BOP1: variants seen among roughly 807,000 people sequenced by gnomAD.
BOP1 encodes ribosome biogenesis protein BOP1.
BOP1 carries 54 observed loss-of-function variants against 82.9 expected under a neutral mutation model. The observed-to-expected ratio is 0.65, with a 90% CI of 0.52 to 0.82. The LOEUF (loss-of-function observed/expected upper bound fraction) is 0.82, where lower values mean the gene tolerates loss of function less well. BOP1 is among the 40% of genes least tolerant of loss of function. BOP1 has a pLI of 0.00. For synonymous variants in BOP1, 566 were observed against 451.1 expected (o/e 1.25, Z -3.23); for missense variants, 1,170 against 1,072.0 (o/e 1.09, Z -1.28).
At chr8:144,266,601 C>T in intron 3 of BOP1, 1 of 1,119,684 alleles carries the variant, frequency 8.9e-7, no homozygotes, top group Non-Finnish European at 1.1e-6. Flanking sequence ...GACGCCGCGC[C>T]CCCGCCGGCC....
chr8:144,273,506 TGCTAC>T (rs1845525700), intron 3 of BOP1, among the ~76,000 whole-genome samples: 1 of 152,220 alleles, frequency 6.6e-6, no homozygotes, highest in Admixed American at 6.5e-5. Flanking sequence ...TCCCTCAGCC[TGCTAC>T]GCTTTCCTGA....
intron 3 of BOP1, chr8:144,266,925 C>T (rs1443818145): frequency 1.2e-5 from 19 of 1,555,714 alleles, no homozygotes; most frequent in Non-Finnish European, 1.5e-5. Context: ...TGATCCCCAC[C>T]GAGCCCGCCG....
chr8:144,265,263 C>A, intron 3 of BOP1, 192 bp from the exon 4 acceptor site: 2 of 659,834 alleles, frequency 3.0e-6, no homozygotes, highest in South Asian at 3.9e-5. Flanking sequence ...CCACGCTGCC[C>A]CCACCCCCGC....
chr8:144,273,962 AAGTC>A (rs755867450), intron 3 of BOP1, among the ~76,000 whole-genome samples: 68 of 152,086 alleles, frequency 4.5e-4, no homozygotes, highest in Non-Finnish European at 9.0e-4. Context: ...AGGTCTTCAA[AAGTC>A]AGCGTCCAGC....
intron 3 of BOP1, among the ~76,000 whole-genome samples, chr8:144,275,558 G>A (rs1471918718): frequency 3.3e-5 from 5 of 152,010 alleles, no homozygotes; most frequent in Non-Finnish European, 5.9e-5. Flanking sequence ...CAGCCCAGCA[G>A]CACGCATCCC....
Position 144,263,720 on chromosome 8 carries a change from G to C in BOP1, c.1263C>G (p.Val421=). The C allele has an allele frequency of 1.9e-6, 3 of 1,575,024 alleles. No individual in the cohort carries two copies. The highest frequency in any genetic ancestry group is 2.6e-6 in the Non-Finnish European group (3 of 1,161,584). Residue 421 remains valine (V), a synonymous_variant, in exon 10 of 16, where the codon GTC becomes GTG. Transcript: ENST00000569669. ...AAACCAGCCACTGGCCCCCAGGAGA[G>C]ACACTGAGGCACCGGACAAGGTCAC... ...GHSDLVRCLS[V]SPGGQWLVSG...
chr8:144,264,341 C>T lies in BOP1; in HGVS notation c.862G>A (p.Asp288Asn). 3 of 1,608,178 alleles carry T rather than the reference C, an allele frequency of 1.9e-6. No individual in the cohort carries two copies. The highest frequency in any genetic ancestry group is 2.5e-6 in the Non-Finnish European group (3 of 1,179,686). The change falls in exon 7 of 16, where the codon GAC becomes AAC. Residue 288 changes from aspartate (D) to asparagine (N), a missense_variant. Asp to Asn is a conservative substitution (Grantham distance 23). Coordinates refer to ENST00000569669, the MANE Select transcript of BOP1 (RefSeq NM_015201.5). ...TGGCGCCCGAGCACGGCGTTGGGGTCCTCCTGGGCCCACAGGTCATAGAAG... is the reference window on the plus strand; with the variant it reads ...TGGCGCCCGAGCACGGCGTTGGGGTTCTCCTGGGCCCACAGGTCATAGAAG... ...PSFYDLWAQEDPNAVLGRHKM... is the reference protein window; with the variant it reads ...PSFYDLWAQENPNAVLGRHKM...
chr8:144,268,824 G>C (rs1460928395), intron 3 of BOP1, among the ~76,000 whole-genome samples: 2 of 151,908 alleles, frequency 1.3e-5, no homozygotes, highest in Non-Finnish European at 2.9e-5. Flanking sequence ...GGCAGGGACA[G>C]AGGCAGCAGC....
intron 2 of BOP1, among the ~76,000 whole-genome samples, chr8:144,277,870 G>T (rs1845594873): frequency 6.6e-6 from 1 of 152,266 alleles, no homozygotes; most frequent in East Asian, 1.9e-4. Flanking sequence ...GGCCCCTTCA[G>T]ATTTTGGAGG....
At chr8:144,262,374 G>C (rs1173542298) in intron 15 of BOP1, 22 bp downstream of exon 15, 4 of 1,612,414 alleles carry the variant, frequency 2.5e-6, no homozygotes, top group Non-Finnish European at 3.4e-6. Context: ...TGGGGAGGGG[G>C]CCAGGCAGGG....
intron 2 of BOP1, among the ~76,000 whole-genome samples, chr8:144,281,023 C>T (rs957055445): frequency 3.4e-5 from 5 of 145,910 alleles, no homozygotes; most frequent in South Asian, 2.2e-4. Flanking sequence ...CTTCGGCCTT[C>T]TCTCACTTTA....
rs557440891 is a variant in BOP1, at chr8:144,287,434, C to A, written c.309+1661G>T. Among the ~76,000 whole-genome samples the A allele has an allele frequency of 2.0e-5, 3 of 152,342 alleles. No individual in the cohort carries two copies. In the South Asian group the frequency reaches 6.2e-4, roughly 32 times the overall value. On this transcript the variant is annotated intron_variant, in intron 2 of 15. Transcript: ENST00000569669. ...TGCTCACGGGTTAGGTGTGAGGGCCCTGAGTGGGAGCTTCCACCCTACTGA... is the reference window on the plus strand; with the variant it reads ...TGCTCACGGGTTAGGTGTGAGGGCCATGAGTGGGAGCTTCCACCCTACTGA...
intron 3 of BOP1, among the ~76,000 whole-genome samples, chr8:144,272,787 C>T (rs999898927): frequency 1.3e-5 from 2 of 152,296 alleles, no homozygotes; most frequent in African/African-American, 4.8e-5. Flanking sequence ...TCACTGACCC[C>T]AGGGTCTCTC....
chr8:144,283,968 T>C (rs552068713), intron 2 of BOP1, among the ~76,000 whole-genome samples: 447 of 152,212 alleles, frequency 2.9e-3, no homozygotes, highest in African/African-American at 0.01. Flanking sequence ...AATACAGACA[T>C]TAGCCGGGCG....
intron 2 of BOP1, among the ~76,000 whole-genome samples, chr8:144,283,012 C>T (rs1388868284): frequency 6.7e-5 from 10 of 150,008 alleles, no homozygotes; most frequent in South Asian, 2.1e-4. Context: ...AACATGGTGA[C>T]ACTCCCTCTC....
At chr8:144,267,883 G>A (rs1217516594) in intron 3 of BOP1, among the ~76,000 whole-genome samples, 6 of 152,190 alleles carry the variant, frequency 3.9e-5, no homozygotes, top group South Asian at 2.1e-4. Flanking sequence ...GACAGCACGC[G>A]CGAGCTCCTG....
intron 3 of BOP1, chr8:144,268,219 C>T: frequency 1.9e-6 from 3 of 1,541,860 alleles, no homozygotes; most frequent in Non-Finnish European, 1.8e-6. Flanking sequence ...ACAGCCCCCA[C>T]CTTGGACCTG....
intron 11 of BOP1, 35 bp downstream of exon 11, chr8:144,263,443 C>A: frequency 6.3e-7 from 1 of 1,597,802 alleles, no homozygotes; most frequent in South Asian, 1.1e-5. Context: ...CACAGTGCCA[C>A]CCCTGGCTCC....
rs966612161 is a variant in BOP1, at chr8:144,264,829, C to T, written c.548G>A (p.Arg183His). ...LDKMDDPDYW[R>H]TVQDPMTGRD... ...CCCTGTCATCGGGTCCTGCACGGTG[C>T]GCCTGGAGACCGCCAGTCAGACCCC... The change falls in exon 5 of 16, where the codon CGC becomes CAC. Residue 183 changes from arginine to histidine, a missense_variant and splice_region_variant. Coordinates refer to ENST00000569669, the MANE Select transcript of BOP1 (RefSeq NM_015201.5). 17 of 1,608,998 alleles carry T rather than the reference C, an allele frequency of 1.1e-5. No individual in the cohort carries two copies. The highest frequency in any genetic ancestry group is 2.2e-5 in the South Asian group (2 of 90,810).
Sources: allele counts gnomAD v4.1 joint callset (sites outside exome capture counted in the v4.1 genomes callset), GRCh38; gene constraint gnomAD v4.1.1; transcripts MANE v1.5; gene names NCBI Gene and HGNC (gene_info 2026-07-23, HGNC 2026-07-21).